Variants in DENND5A observed in about 807,000 individuals in gnomAD.
The protein encoded by DENND5A is DENN domain containing 5A, also known as DENN domain-containing protein 5A.
A neutral mutation model predicts 140.3 loss-of-function variants in DENND5A; 64 were observed. The observed-to-expected ratio is 0.46, with a 90% CI of 0.37 to 0.56. The LOEUF (loss-of-function observed/expected upper bound fraction) is 0.56. DENND5A is among the 20% of genes least tolerant of loss of function. The pLI is 0.00. For missense variants in DENND5A, 1,292 were observed against 1,593.8 expected (o/e 0.81, Z 3.22); for synonymous variants, 605 against 607.7 (o/e 1.00, Z 0.07).
chr11:9,264,907 G>A, intron 1 of DENND5A, 54 bp downstream of exon 1: 1 of 1,424,716 alleles, frequency 7.0e-7, no homozygotes, highest in Admixed American at 2.0e-5. Flanking sequence ...TTTCTTCTGG[G>A]GTCCCCGACG....
chr11:9,151,879 ACT>A (rs1417416423), intron 13 of DENND5A, among the ~76,000 whole-genome samples: 1 of 152,152 alleles, frequency 6.6e-6, no homozygotes, highest in Non-Finnish European at 1.5e-5. Context: ...GTTGCCACAA[ACT>A]CTGACATTTT....
rs757188792 is a variant in DENND5A at position 9,180,861 on chromosome 11, C to T, written c.1361G>A (p.Gly454Asp). Residue 454 changes from glycine (G) to aspartate (D), a missense_variant, in exon 6 of 23, where the codon GGC (glycine) becomes GAC (aspartate). Gly to Asp is a moderately conservative substitution (Grantham distance 94). This residue lies in a region of DENND5A where 566 missense variants were observed against 650.4 expected (regional missense o/e 0.87). Transcript: ENST00000328194. ...VSDKRNGNIA[G>D]SPLHSYELLK... ...AAGCTCGTAGGAATGCAAAGGGGAG[C>T]CAGCAATGTTCCCATTCCTCTTGTC... is the stretch of plus-strand genomic sequence containing the variant. 6.8e-6 allele frequency: 11 copies of T among 1,614,096 alleles called. No homozygotes were observed. Among genetic ancestry groups the T allele is most frequent in the Non-Finnish European group, 9.3e-6 (11 of 1,180,044 alleles).
At chr11:9,181,645 G>A (rs1439080564) in intron 5 of DENND5A, among the ~76,000 whole-genome samples, 2 of 152,136 alleles carry the variant, frequency 1.3e-5, no homozygotes, top group African/African-American at 2.4e-5. Context: ...GGCTGAGGTA[G>A]GAGGGATCAC....
Position 9,181,040 on chromosome 11 carries a change from C to A in DENND5A, c.1182G>T (p.Leu394Phe). 6.2e-7 allele frequency: 1 copy of A among 1,614,096 alleles called. No homozygotes were observed. Among genetic ancestry groups the A allele is most frequent in the Non-Finnish European group, 8.5e-7 (1 of 1,180,000 alleles). ...TGGGGAACTGTGGCAAGTCCTCTGG[C>A]AACTCAATGAAGTGGTTGTCAATGT... is the stretch of plus-strand genomic sequence containing the variant. Reference protein sequence around the residue: ...FVDIDNHFIELPEDLPQFPNK... With the variant: ...FVDIDNHFIEFPEDLPQFPNK... Residue 394 changes from leucine to phenylalanine, a missense_variant, in exon 6 of 23, where the codon TTG becomes TTT. Physicochemically the swap from Leu to Phe is conservative, Grantham distance 22. Around this residue, in one of 4 missense-constraint regions of DENND5A, gnomAD observed 566 missense variants for 650.4 expected, o/e 0.87. Transcript: ENST00000328194.
chr11:9,203,258 C>T (rs886865876), intron 4 of DENND5A, among the ~76,000 whole-genome samples: 3 of 152,198 alleles, frequency 2.0e-5, no homozygotes, highest in African/African-American at 4.8e-5. Flanking sequence ...TCCACATTTT[C>T]TCAATATATA....
At position 9,147,043 on chromosome 11, in the gene DENND5A, G is replaced by A. The variant is rs1380602560; in HGVS notation, c.2844C>T (p.Val948=). ...AGGGCTACTCACGGATAGTTGTGAA[G>A]ACATTGGTGAAGCAAAAGTAATCGA... ...NAVDYFCFTN[V]FTTILIPYHI... is the part of the protein sequence containing the mutation. Residue 948 remains valine, a synonymous_variant, in exon 16 of 23, where the codon GTC becomes GTT. Coordinates refer to ENST00000328194, the MANE Select transcript of DENND5A (RefSeq NM_015213.4). 2 of 1,614,202 alleles carry A rather than the reference G, an allele frequency of 1.2e-6. No homozygotes were observed. Among genetic ancestry groups the A allele is most frequent in the Non-Finnish European group, 1.7e-6 (2 of 1,180,014 alleles).
rs78193866 is a variant in DENND5A at position 9,207,481 on chromosome 11, G to A, written c.181+80C>T. 2.9e-3 allele frequency: 3,130 copies of A among 1,082,284 alleles called. 56 individuals carry two copies. The African/African-American group carries it at 0.042, about 15-fold the overall frequency. 67.0% of individuals were successfully genotyped at this position (1,082,284 alleles called of 1,614,324 possible). A position where few individuals can be genotyped will look rare whatever the true frequency, so the allele number is the denominator to read the frequency against. On this transcript the variant is annotated intron_variant, in intron 2 of 22. Coordinates refer to ENST00000328194, the MANE Select transcript of DENND5A (RefSeq NM_015213.4). ...GGCACAAGAAAGTTAGAAGGTCAAA[G>A]GTTACAAAATGCCACTGGAGAGATA... is the stretch of plus-strand genomic sequence containing the variant.
chr11:9,232,867 A>G (rs746096307), intron 1 of DENND5A, among the ~76,000 whole-genome samples: 25 of 152,246 alleles, frequency 1.6e-4, no homozygotes, highest in Admixed American at 3.3e-4. Context: ...GTAAAGTCAC[A>G]CAATGGCAAA....
chr11:9,149,428 T>A (rs75974474), intron 15 of DENND5A, among the ~76,000 whole-genome samples: 2,924 of 152,218 alleles, frequency 0.019, 75 homozygotes, highest in Admixed American at 0.06. Flanking sequence ...CTTCAGTAAG[T>A]AGCAAGCAAA....
intron 1 of DENND5A, among the ~76,000 whole-genome samples, chr11:9,238,616 A>G (rs1002138608): frequency 8.6e-5 from 13 of 151,738 alleles, no homozygotes; most frequent in South Asian, 4.2e-4. Context: ...GGGTTTCACC[A>G]TGTTAGCCAG....
chr11:9,204,848 A>G (rs1392900625), intron 3 of DENND5A, among the ~76,000 whole-genome samples: 4 of 152,214 alleles, frequency 2.6e-5, no homozygotes, highest in Admixed American at 2.6e-4. Context: ...GCGACAGAGC[A>G]AGACTGTCAC....
intron 8 of DENND5A, among the ~76,000 whole-genome samples, chr11:9,177,620 C>A (rs1449592101): frequency 6.6e-6 from 1 of 151,548 alleles, no homozygotes; most frequent in Non-Finnish European, 1.5e-5. Flanking sequence ...CACACCACTG[C>A]ATTTTAGCCT....
chr11:9,263,439 C>G (rs1852296280), intron 1 of DENND5A, among the ~76,000 whole-genome samples: 2 of 151,208 alleles, frequency 1.3e-5, no homozygotes, highest in African/African-American at 4.8e-5. Context: ...CCAAATTGGT[C>G]TCGAACTCCT....
chr11:9,197,689 C>T (rs1042062226), intron 4 of DENND5A, among the ~76,000 whole-genome samples: 3 of 151,834 alleles, frequency 2.0e-5, no homozygotes, highest in Non-Finnish European at 4.4e-5. Flanking sequence ...AGCAAGACCC[C>T]GTCTTAAAAA....
At chr11:9,167,128 A>G (rs945301806) in intron 10 of DENND5A, among the ~76,000 whole-genome samples, 2 of 152,196 alleles carry the variant, frequency 1.3e-5, no homozygotes, top group Non-Finnish European at 2.9e-5. Flanking sequence ...CACAGAACCC[A>G]CATCAATGCA....
Position 9,139,579 on chromosome 11 carries a change from C to A in DENND5A, c.*92G>T. ...CAGTGAGTGTACATTTTGTCTCCTA[C>A]TCCTGCACAATCGCTTAAGTCCCTT... On this transcript the variant is annotated 3_prime_UTR_variant, in exon 23 of 23. Transcript: ENST00000328194. The A allele has an allele frequency of 8.3e-7, 1 of 1,206,660 alleles. No individual in the cohort carries two copies. The highest frequency in any genetic ancestry group is 1.5e-5 in the African/African-American group (1 of 66,302). 74.7% of individuals were successfully genotyped at this position (1,206,660 alleles called of 1,614,324 possible).
In DENND5A at chr11:9,264,939, C is replaced by T. The variant is rs1391091100; in HGVS notation, c.109+22G>A. 5.2e-6 allele frequency: 8 copies of T among 1,531,394 alleles called. No homozygotes were observed. The Admixed American group carries it at 1.5e-4, about 29-fold the overall frequency. 94.9% of individuals were successfully genotyped at this position (1,531,394 alleles called of 1,614,324 possible). A position where few individuals can be genotyped will look rare whatever the true frequency, so the allele number is the denominator to read the frequency against. On this transcript the variant is annotated intron_variant, in intron 1 of 22. Transcript: ENST00000328194. ...GACGACAGCGGGCGCGGGAAAGCGC[C>T]CCGGGCTCGGCGCGCACTCACCCGA...
chr11:9,159,342 CAG>C, intron 12 of DENND5A, among the ~76,000 whole-genome samples: 1 of 136,826 alleles, frequency 7.3e-6, no homozygotes, highest in South Asian at 2.3e-4. Context: ...TTTTTTGAGA[CAG>C]AGTTTCACTC....
chr11:9,184,488 G>A (rs532369783), intron 5 of DENND5A, among the ~76,000 whole-genome samples: 1 of 152,186 alleles, frequency 6.6e-6, no homozygotes, highest in African/African-American at 2.4e-5. Context: ...AGTGTTGTAA[G>A]GTATGCAAAT....
Sources: gnomAD v4.1 joint callset for allele counts (sites outside exome capture counted in the v4.1 genomes callset) on GRCh38, gnomAD v4.1.1 for gene constraint, gnomAD v4.1.1 regional missense constraint, MANE v1.5 for transcripts, NCBI Gene and HGNC (gene_info 2026-07-23, HGNC 2026-07-21) for gene names.